LRRC75A: variants seen among roughly 807,000 people sequenced by gnomAD.
The protein encoded by LRRC75A is leucine rich repeat containing 75A, also known as leucine-rich repeat-containing protein 75A.
In LRRC75A, 12 loss-of-function variants were observed where a neutral mutation model predicts 26.0. That is an observed-to-expected ratio of 0.46 (90% CI 0.30 to 0.75). LRRC75A has a LOEUF of 0.75. Among genes scored for constraint, LRRC75A ranks in the 30% least tolerant of loss-of-function variants. LRRC75A has a pLI of 0.08. For missense variants in LRRC75A, 410 were observed against 486.6 expected, an observed-to-expected ratio of 0.84 and a Z score of 1.48; for synonymous variants, 223 against 219.3, an observed-to-expected ratio of 1.02 and a Z score of -0.15.
Position 16,460,507 on chromosome 17 carries a change from C to T in LRRC75A, c.375+1751G>A, listed in dbSNP as rs573451994. 3.3e-5 allele frequency among the ~76,000 whole-genome samples: 5 copies of T among 152,196 alleles called. No homozygotes were observed. In the East Asian group the frequency reaches 9.7e-4, roughly 30 times the overall value. On this transcript the variant is annotated intron_variant, in intron 2 of 3. Transcript: ENST00000470794. Reference sequence around the variant, plus strand: ...CCCACACAGGCTGTCCATGAGGCAACCTGTGAGGGGCAGGTTGGGGAGGGA... The same window carrying T: ...CCCACACAGGCTGTCCATGAGGCAATCTGTGAGGGGCAGGTTGGGGAGGGA...
At chr17:16,474,229 C>T (rs1436444834) in intron 1 of LRRC75A, among the ~76,000 whole-genome samples, 1 of 152,196 alleles carries the variant, frequency 6.6e-6, no homozygotes, top group Non-Finnish European at 1.5e-5. Flanking sequence ...AAGCCACCCT[C>T]CTACACCACA....
chr17:16,484,590 G>A (rs1336306609), intron 1 of LRRC75A, among the ~76,000 whole-genome samples: 1 of 152,126 alleles, frequency 6.6e-6, no homozygotes, highest in Non-Finnish European at 1.5e-5. Context: ...GGCAAAGGAT[G>A]GGAGGCTGAG....
intron 2 of LRRC75A, among the ~76,000 whole-genome samples, chr17:16,457,429 T>C (rs1172545573): frequency 6.6e-6 from 1 of 152,180 alleles, no homozygotes; most frequent in Non-Finnish European, 1.5e-5. Flanking sequence ...GTTCAGCTAA[T>C]GGGAGCAATG....
intron 1 of LRRC75A, among the ~76,000 whole-genome samples, chr17:16,468,308 G>A (rs780258383): frequency 6.6e-6 from 1 of 152,208 alleles, no homozygotes; most frequent in Non-Finnish European, 1.5e-5. Flanking sequence ...AACAATCCGG[G>A]TGGCCATGAA....
intron 2 of LRRC75A, among the ~76,000 whole-genome samples, chr17:16,456,163 AGAG>A (rs1338587878): frequency 1.7e-5 from 2 of 114,666 alleles, no homozygotes; most frequent in Admixed American, 8.4e-5. Flanking sequence ...AGGAGGAGGA[AGAG>A]GAGGGGTAGG....
At chr17:16,478,505 CTA>C (rs2093826389) in intron 1 of LRRC75A, 1 of 152,176 alleles carries the variant, frequency 6.6e-6, no homozygotes, top group African/African-American at 2.4e-5. Context: ...CTAAAAGAGT[CTA>C]ATTCCAGTCC....
intron 2 of LRRC75A, among the ~76,000 whole-genome samples, chr17:16,452,018 T>G (rs117400555): frequency 0.11 from 15,941 of 149,392 alleles, 1,034 homozygotes; most frequent in Middle Eastern, 0.21. Context: ...TTACAGGCGT[T>G]AGCCACCGCG....
Position 16,444,091 on chromosome 17 carries a change from C to T in LRRC75A, c.532G>A (p.Val178Met), listed in dbSNP as rs2093558800. ...GTCAGTGGGATTCCCGACAGGTCCA[C>T]TGTGTTGTCTGGGGGGCTTCCGGCC... is the stretch of plus-strand genomic sequence containing the variant. ...VLAGSPPDNT[V>M]DLSGIPLTSR... The change falls in exon 4 of 4, where the codon GTG becomes ATG. Residue 178 changes from valine (V) to methionine (M), a missense_variant. Transcript: ENST00000470794. 7 of 1,610,294 alleles carry T rather than the reference C, an allele frequency of 4.3e-6. No homozygotes were observed. The highest frequency in any genetic ancestry group is 5.9e-6 in the Non-Finnish European group (7 of 1,177,584).
chr17:16,462,255 TA>T lies in LRRC75A; in HGVS notation c.375+2del. 6.2e-7 allele frequency: 1 copy of T among 1,614,014 alleles called. No homozygotes were observed. Among genetic ancestry groups the T allele is most frequent in the Non-Finnish European group, 8.5e-7 (1 of 1,179,956 alleles). ...TGGCTGGCTCGGACCACAGCCACCC[TA>T]CCGGCTTGGGACAGTGGATGTAGCG... On this transcript the variant is annotated splice_donor_variant, in intron 2 of 3. Coordinates refer to ENST00000470794, the MANE Select transcript of LRRC75A (RefSeq NM_001113567.3). LOFTEE classifies it high-confidence loss of function. This position sits in a 1 kb window ranked among gnomAD's most constrained non-coding sequence, Gnocchi z 4.6.
At chr17:16,444,756 C>T (rs1233868783) in intron 3 of LRRC75A, among the ~76,000 whole-genome samples, 1 of 151,710 alleles carries the variant, frequency 6.6e-6, no homozygotes, top group African/African-American at 2.4e-5. Context: ...AAGCTGATGG[C>T]AAGTGTGCCC....
At chr17:16,470,047 C>T (rs1417495000) in intron 1 of LRRC75A, among the ~76,000 whole-genome samples, 1 of 152,174 alleles carries the variant, frequency 6.6e-6, no homozygotes, top group East Asian at 1.9e-4. Context: ...GGCCCTGCTC[C>T]ATGTGTCTAG....
intron 2 of LRRC75A, among the ~76,000 whole-genome samples, chr17:16,450,711 T>C (rs1405787141): frequency 1.3e-5 from 2 of 152,114 alleles, no homozygotes; most frequent in Non-Finnish European, 2.9e-5. Flanking sequence ...GAGCTGGTCA[T>C]GGGGGCTGCA....
intron 1 of LRRC75A, among the ~76,000 whole-genome samples, chr17:16,472,834 AT>A (rs1270929422): frequency 1.3e-5 from 2 of 152,202 alleles, no homozygotes; most frequent in African/African-American, 2.4e-5. Context: ...TTATCAGCTT[AT>A]TAAATTTCAA....
chr17:16,477,779 C>T (rs959274749), intron 1 of LRRC75A, among the ~76,000 whole-genome samples: 4 of 152,030 alleles, frequency 2.6e-5, no homozygotes, highest in African/African-American at 4.8e-5. Flanking sequence ...TGATTCTCCC[C>T]GCAAAGGTGG....
At chr17:16,451,799 T>C (rs968408084) in intron 2 of LRRC75A, among the ~76,000 whole-genome samples, 61 of 148,766 alleles carry the variant, frequency 4.1e-4, no homozygotes, top group African/African-American at 1.5e-3. Context: ...GGATGGAGTG[T>C]AGTGGCGCGA....
intron 1 of LRRC75A, among the ~76,000 whole-genome samples, chr17:16,490,691 T>TA (rs2093855492): frequency 6.6e-6 from 1 of 152,174 alleles, no homozygotes; most frequent in Non-Finnish European, 1.5e-5. Flanking sequence ...AAGGTGCTCC[T>TA]ACAGCCTCTT....
Position 16,442,300 on chromosome 17 carries a change from A to G in LRRC75A, c.*1288T>C, listed in dbSNP as rs976446113. ...CAACCTTAACAGCATGTAGGGCCCC[A>G]TACTCTAGGCCCCATCTTGCTGTCT... On this transcript the variant is annotated 3_prime_UTR_variant, in exon 4 of 4. Transcript: ENST00000470794. The G allele has an allele frequency of 1.3e-5, 2 of 152,242 alleles. No homozygotes were observed. Among genetic ancestry groups the G allele is most frequent in the African/African-American group, 4.8e-5 (2 of 41,446 alleles). The allele number at this position is 152,242 out of a possible 1,614,324, so 9.4% of individuals were successfully genotyped here.
intron 1 of LRRC75A, among the ~76,000 whole-genome samples, chr17:16,476,112 A>G (rs1343262117): frequency 6.6e-6 from 1 of 151,792 alleles, no homozygotes. Context: ...GGAGAATGGC[A>G]TGAATCCGGG....
At chr17:16,489,245 G>A (rs1290837648) in intron 1 of LRRC75A, among the ~76,000 whole-genome samples, 1 of 152,184 alleles carries the variant, frequency 6.6e-6, no homozygotes, top group Non-Finnish European at 1.5e-5. Context: ...GTTATCAAAT[G>A]CAGGAGAACA....
Sources: gnomAD v4.1 joint callset for allele counts (sites outside exome capture counted in the v4.1 genomes callset) on GRCh38, gnomAD v4.1.1 for gene constraint, Gnocchi (gnomAD v3.1) non-coding constraint, MANE v1.5 for transcripts, NCBI Gene and HGNC (gene_info 2026-07-23, HGNC 2026-07-21) for gene names.